Variants in CRPPA observed in about 807,000 individuals in gnomAD.
The protein encoded by CRPPA is D-ribitol-5-phosphate cytidylyltransferase.
Under a neutral mutation model 52.0 loss-of-function variants are expected in CRPPA, and 43 were observed. The observed-to-expected ratio is 0.83, with a 90% CI of 0.65 to 1.07. The LOEUF is 1.07. CRPPA is among the 50% of genes least tolerant of loss of function. The pLI is 0.00. For missense variants in CRPPA, 629 were observed against 551.7 expected, an observed-to-expected ratio of 1.14 and a Z score of -1.40; for synonymous variants, 250 against 203.5, an observed-to-expected ratio of 1.23 and a Z score of -1.94.
intron 9 of CRPPA, among the ~76,000 whole-genome samples, chr7:16,197,834 T>C (rs1034057707): frequency 1.3e-5 from 2 of 150,508 alleles, no homozygotes; most frequent in Non-Finnish European, 2.9e-5. Context: ...CTTGAGATTC[T>C]GTTAATCTAT....
At chr7:16,205,541 G>C (rs1443846329) in intron 9 of CRPPA, among the ~76,000 whole-genome samples, 2 of 152,134 alleles carry the variant, frequency 1.3e-5, no homozygotes, top group Non-Finnish European at 2.9e-5. Flanking sequence ...CCAAAGTTCA[G>C]AAAGATTTGC....
rs1052503648 is a variant in CRPPA, at chr7:16,260,849, G to C, written c.934-1837C>G. Among the ~76,000 whole-genome samples, 3 of 151,958 alleles carry C rather than the reference G, an allele frequency of 2.0e-5. No individual in the cohort carries two copies. The South Asian group carries it at 6.2e-4, about 31-fold the overall frequency. On this transcript the variant is annotated intron_variant, in intron 6 of 9. Coordinates refer to ENST00000407010, the MANE Select transcript of CRPPA (RefSeq NM_001101426.4). ...CTTTAGGACAGAGCTTAGGATCTTT[G>C]AGGACAGAAACATTCATGTTTTTAC...
intron 3 of CRPPA, among the ~76,000 whole-genome samples, chr7:16,358,791 T>A (rs1231117437): frequency 2.0e-5 from 3 of 152,162 alleles, no homozygotes; most frequent in Non-Finnish European, 4.4e-5. Context: ...AATGAAGAAA[T>A]TGATTAATGT....
intron 2 of CRPPA, among the ~76,000 whole-genome samples, chr7:16,388,522 C>T (rs1787354284): frequency 6.6e-6 from 1 of 151,870 alleles, no homozygotes; most frequent in African/African-American, 2.4e-5. Context: ...AAAGAGTAAA[C>T]AAAAGAAATA....
At chr7:16,109,186 G>A (rs1164064972) in intron 9 of CRPPA, among the ~76,000 whole-genome samples, 1 of 151,732 alleles carries the variant, frequency 6.6e-6, no homozygotes, top group East Asian at 1.9e-4. Flanking sequence ...GGCAGAGTAA[G>A]AGAAAAGAGA....
Position 16,130,648 on chromosome 7 carries a change from C to A in CRPPA, c.1252-38849G>T, listed in dbSNP as rs150601651. Among the ~76,000 whole-genome samples the A allele has an allele frequency of 1.8e-3, 281 of 152,262 alleles. 1 individual carries two copies. Among genetic ancestry groups the A allele is most frequent in the African/African-American group, 6.5e-3 (270 of 41,558 alleles). On this transcript the variant is annotated intron_variant, in intron 9 of 9. Coordinates refer to ENST00000407010, the MANE Select transcript of CRPPA (RefSeq NM_001101426.4). Reference sequence around the variant, plus strand: ...TTTTCCTTTTGTACACTAAGTAGTACATTTATTTATGGCAAGTAATGAGTA... The same window carrying A: ...TTTTCCTTTTGTACACTAAGTAGTAAATTTATTTATGGCAAGTAATGAGTA...
intron 4 of CRPPA, among the ~76,000 whole-genome samples, chr7:16,303,937 T>C (rs1026348099): frequency 2.0e-5 from 3 of 152,168 alleles, no homozygotes; most frequent in Non-Finnish European, 2.9e-5. Context: ...AAAAAGCACA[T>C]TCAGACAACG....
intron 9 of CRPPA, among the ~76,000 whole-genome samples, chr7:16,194,611 A>C (rs918791652): frequency 4.6e-5 from 7 of 152,118 alleles, no homozygotes; most frequent in Admixed American, 6.6e-5. Context: ...TTGGATTTAC[A>C]CCTTGTATTA....
At chr7:16,127,786 G>A (rs1782607124) in intron 9 of CRPPA, among the ~76,000 whole-genome samples, 1 of 152,048 alleles carries the variant, frequency 6.6e-6, no homozygotes, top group South Asian at 2.1e-4. Context: ...TAGTTTTGGA[G>A]ATACAAAAAT....
chr7:16,303,979 G>A (rs983464869), intron 4 of CRPPA, among the ~76,000 whole-genome samples: 1 of 152,074 alleles, frequency 6.6e-6, no homozygotes, highest in Admixed American at 6.6e-5. Context: ...TCAGTAACTG[G>A]TTATCAATCT....
intron 3 of CRPPA, among the ~76,000 whole-genome samples, chr7:16,332,687 A>ATTTTG (rs1177993855): frequency 2.6e-5 from 4 of 152,150 alleles, no homozygotes; most frequent in African/African-American, 9.6e-5. Context: ...AAGTCACAAA[A>ATTTTG]TGTTCAATTA....
intron 6 of CRPPA, chr7:16,269,569 A>G (rs968338100): frequency 6.6e-6 from 1 of 152,216 alleles, no homozygotes; most frequent in Non-Finnish European, 1.5e-5. Flanking sequence ...TAAGGTATAC[A>G]GTGCCAACGT....
chr7:16,318,081 T>C (rs1583514998), intron 3 of CRPPA, among the ~76,000 whole-genome samples: 2 of 152,286 alleles, frequency 1.3e-5, no homozygotes, highest in Admixed American at 1.3e-4. Context: ...CCATCCGTCA[T>C]CTCTCTTACT....
chr7:16,383,457 T>C (rs1245361499), intron 2 of CRPPA, among the ~76,000 whole-genome samples: 1 of 152,180 alleles, frequency 6.6e-6, no homozygotes, highest in Non-Finnish European at 1.5e-5. Flanking sequence ...GGGACCCACT[T>C]GAGGAGGCAG....
At chr7:16,286,071 ATAT>A (rs1562608564) in intron 5 of CRPPA, among the ~76,000 whole-genome samples, 8 of 31,974 alleles carry the variant, frequency 2.5e-4, no homozygotes, top group Non-Finnish European at 4.2e-4. Context: ...ATATATATAT[ATAT>A]ATATATAATA....
chr7:16,217,809 G>A lies in CRPPA; in HGVS notation c.1120-1612C>T, dbSNP rs1180590320. Among the ~76,000 whole-genome samples the A allele has an allele frequency of 3.2e-3, 481 of 151,480 alleles. 4 individuals are homozygous for A. The highest frequency in any genetic ancestry group is 5.2e-3 in the Non-Finnish European group (352 of 67,906). ...GACTATGTGAAAAGACCAAATCTACGTCTGATTGGTGTACCTGAAAGTGAC... is the reference window on the plus strand; with the variant it reads ...GACTATGTGAAAAGACCAAATCTACATCTGATTGGTGTACCTGAAAGTGAC... On this transcript the variant is annotated intron_variant, in intron 8 of 9. Transcript: ENST00000407010.
intron 8 of CRPPA, among the ~76,000 whole-genome samples, chr7:16,231,910 G>A (rs60943478): frequency 0.024 from 3,639 of 152,230 alleles, 177 homozygotes; most frequent in East Asian, 0.22. Context: ...CCTACTGCCC[G>A]CAAGAGAGTT....
chr7:16,166,320 C>T (rs1324431607), intron 9 of CRPPA, among the ~76,000 whole-genome samples: 1 of 151,928 alleles, frequency 6.6e-6, no homozygotes, highest in African/African-American at 2.4e-5. Flanking sequence ...TGCTCTGCTG[C>T]CCAGGCTAGA....
intron 2 of CRPPA, among the ~76,000 whole-genome samples, chr7:16,400,492 A>C (rs73308428): frequency 0.1 from 15,725 of 152,262 alleles, 988 homozygotes; most frequent in East Asian, 0.25. Flanking sequence ...CATGACCAAC[A>C]TGTATAACAC....
Sources: allele counts gnomAD v4.1 joint callset (sites outside exome capture counted in the v4.1 genomes callset), GRCh38; gene constraint gnomAD v4.1.1; transcripts MANE v1.5; gene names NCBI Gene and HGNC (gene_info 2026-07-23, HGNC 2026-07-21).